MYO1H: variants seen among roughly 807,000 people sequenced by gnomAD.
MYO1H encodes the protein myosin IH, also known as unconventional myosin-Ih.
In MYO1H, 118 loss-of-function variants were observed where a neutral mutation model predicts 149.3. That is an observed-to-expected ratio of 0.79 (90% CI 0.68 to 0.92). The LOEUF (loss-of-function observed/expected upper bound fraction) is 0.92, where lower values mean the gene tolerates loss of function less well. MYO1H is among the 40% of genes least tolerant of loss of function. The pLI is 0.00. For missense variants in MYO1H, 1,212 were observed against 1,280.7 expected (o/e 0.95, Z 0.82); for synonymous variants, 447 against 465.2 (o/e 0.96, Z 0.50).
chr12:109,394,071 T>C (rs1186277921), intron 3 of MYO1H, among the ~76,000 whole-genome samples: 1 of 152,186 alleles, frequency 6.6e-6, no homozygotes, highest in Non-Finnish European at 1.5e-5. Flanking sequence ...TTGTAGATGG[T>C]GATTATATTT....
intron 1 of MYO1H, among the ~76,000 whole-genome samples, chr12:109,376,730 T>A (rs546724715): frequency 9.8e-5 from 15 of 152,336 alleles, no homozygotes; most frequent in Middle Eastern, 3.4e-3. Context: ...GTAGAGCAAG[T>A]CATCAGACAA....
chr12:109,318,457 G>A, the MYO1H span, among the ~76,000 whole-genome samples: 17 of 152,118 alleles, frequency 1.1e-4, no homozygotes, highest in African/African-American at 3.4e-4. Context: ...GCTTTGCAGT[G>A]GAGCAGGCTG....
chr12:109,395,687 A>G (rs986933754), intron 3 of MYO1H, among the ~76,000 whole-genome samples: 4 of 151,650 alleles, frequency 2.6e-5, no homozygotes, highest in African/African-American at 4.8e-5. Context: ...ATGAGCTCAG[A>G]TCGTGCTACT....
At chr12:109,385,141 A>G (rs1410610892) in intron 1 of MYO1H, among the ~76,000 whole-genome samples, 1 of 151,874 alleles carries the variant, frequency 6.6e-6, no homozygotes, top group Non-Finnish European at 1.5e-5. Context: ...GAGACTTGGG[A>G]CTCTCCCAAG....
chr12:109,387,278 T>A (rs1051509545), intron 1 of MYO1H, among the ~76,000 whole-genome samples: 2 of 152,166 alleles, frequency 1.3e-5, no homozygotes, highest in Non-Finnish European at 2.9e-5. Flanking sequence ...CACCATTGGA[T>A]GGAAATGTTT....
At chr12:109,437,518 T>C (rs1042763991) in intron 22 of MYO1H, among the ~76,000 whole-genome samples, 10 of 152,274 alleles carry the variant, frequency 6.6e-5, no homozygotes, top group African/African-American at 2.4e-4. Context: ...TTGGGAGTCT[T>C]ATGGTCTCCA....
intron 1 of MYO1H, among the ~76,000 whole-genome samples, chr12:109,356,481 G>A (rs1868606507): frequency 6.6e-6 from 1 of 152,100 alleles, no homozygotes; most frequent in Non-Finnish European, 1.5e-5. Flanking sequence ...GCTTAAATGT[G>A]ATCAGAATAT....
At chr12:109,336,774 C>T in the MYO1H span, among the ~76,000 whole-genome samples, 10 of 152,076 alleles carry the variant, frequency 6.6e-5, no homozygotes, top group African/African-American at 2.4e-4. Context: ...ATGCCCAGTC[C>T]CCCACCAATT....
At chr12:109,364,542 C>T (rs1348544759) in intron 1 of MYO1H, among the ~76,000 whole-genome samples, 1 of 152,150 alleles carries the variant, frequency 6.6e-6, no homozygotes, top group Non-Finnish European at 1.5e-5. Context: ...CCAGGCTAGG[C>T]TTGAGCTCCT....
At chr12:109,320,318 G>GA in the MYO1H span, among the ~76,000 whole-genome samples, 7 of 150,570 alleles carry the variant, frequency 4.6e-5, no homozygotes, top group Middle Eastern at 6.9e-3. Flanking sequence ...TGTCTCAAAA[G>GA]AAAAAAACGG....
At chr12:109,363,559 A>C (rs1461398883) in intron 1 of MYO1H, among the ~76,000 whole-genome samples, 2 of 152,050 alleles carry the variant, frequency 1.3e-5, no homozygotes, top group Non-Finnish European at 2.9e-5. Context: ...CTAAAAATAC[A>C]AAATTAGCTG....
In MYO1H at chr12:109,443,418, T is replaced by C. The variant is rs1020631960; in HGVS notation, c.2689-96T>C. 1.1e-5 allele frequency: 16 copies of C among 1,411,838 alleles called. 1 individual carries two copies. The highest frequency in any genetic ancestry group is 1.5e-5 in the Non-Finnish European group (16 of 1,038,408). 87.5% of individuals were successfully genotyped at this position (1,411,838 alleles called of 1,614,324 possible). ...CATACACGCAAAATCTGTTTGAGCTTTTCTAAATGCTTGACATCACTTTAC... is the reference window on the plus strand; with the variant it reads ...CATACACGCAAAATCTGTTTGAGCTCTTCTAAATGCTTGACATCACTTTAC... On this transcript the variant is annotated intron_variant, in intron 27 of 31. Coordinates refer to ENST00000310903, the Ensembl canonical transcript of MYO1H.
rs764569718 is a variant in MYO1H, at chr12:109,427,567, T to TA, written c.1931dup (p.Tyr644Ter). 1 of 1,611,572 alleles carries TA rather than the reference T, an allele frequency of 6.2e-7. No individual in the cohort carries two copies. The highest frequency in any genetic ancestry group is 1.7e-5 in the Admixed American group (1 of 59,960). ...GGCTGGTTTTGCATACCGAAGGAAA[T>TA]ACGAGCATTTCTTGCAAAGGTAAAA... The change falls in exon 19 of 32, where the codon TAC (tyrosine) becomes TAAC (stop). Residue 644 changes from tyrosine to a stop codon, truncating the protein, a stop_gained and frameshift_variant. Transcript: ENST00000310903. LOFTEE classifies it high-confidence loss of function.
chr12:109,441,867 C>T (rs751832819), intron 26 of MYO1H, among the ~76,000 whole-genome samples, 159 bp downstream of exon 26: 14 of 147,128 alleles, frequency 9.5e-5, no homozygotes, highest in Non-Finnish European at 1.8e-4. Flanking sequence ...GCCAACATGG[C>T]GAAACCCCAT....
chr12:109,382,032 T>C (rs1051036993), intron 1 of MYO1H, among the ~76,000 whole-genome samples: 1 of 152,232 alleles, frequency 6.6e-6, no homozygotes, highest in Non-Finnish European at 1.5e-5. Flanking sequence ...GGGAAATTTC[T>C]CTTTATAGAA....
At chr12:109,354,159 T>G (rs1868529168) in intron 1 of MYO1H, 1 of 152,250 alleles carries the variant, frequency 6.6e-6, no homozygotes. Context: ...AATCATTCAG[T>G]GCAATAGCAA....
chr12:109,430,075 A>G (rs185034707), intron 19 of MYO1H, among the ~76,000 whole-genome samples: 1 of 152,202 alleles, frequency 6.6e-6, no homozygotes, highest in Non-Finnish European at 1.5e-5. Flanking sequence ...TCCTAACACC[A>G]TCACATTGGG....
intron 1 of MYO1H, among the ~76,000 whole-genome samples, chr12:109,360,639 A>G (rs1464837846): frequency 6.6e-6 from 1 of 151,978 alleles, no homozygotes; most frequent in African/African-American, 2.4e-5. Context: ...CTTGGTCCTT[A>G]TGGAAGATGT....
intron 20 of MYO1H, 23 bp downstream of exon 20, chr12:109,433,033 A>G (rs1871708667): frequency 3.8e-6 from 6 of 1,558,626 alleles, no homozygotes; most frequent in Non-Finnish European, 5.3e-6. Flanking sequence ...AAGACCACCA[A>G]ATGGTCTCTT....
Sources: allele counts gnomAD v4.1 joint callset (sites outside exome capture counted in the v4.1 genomes callset), GRCh38; gene constraint gnomAD v4.1.1; transcripts MANE v1.5; gene names NCBI Gene and HGNC (gene_info 2026-07-23, HGNC 2026-07-21).